The following ZNF805 variants were observed in gnomAD, a reference collection of about 807,000 sequenced individuals.
ZNF805 encodes zinc finger protein 805, also known as CTC-444N24.8.
ZNF805 carries 7 observed loss-of-function variants against 13.6 expected under a neutral mutation model. The ratio of observed to expected loss-of-function variants is 0.51; its 90% confidence interval spans 0.29 to 0.97. The LOEUF is 0.97. ZNF805 is among the 50% of genes least tolerant of loss of function. The pLI, the probability that ZNF805 is intolerant of heterozygous loss-of-function variation, is 0.08. For missense variants in ZNF805, 604 were observed against 771.0 expected (o/e 0.78, Z 2.57); for synonymous variants, 293 against 279.8 (o/e 1.05, Z -0.47).
Position 57,260,199 on chromosome 19 carries a change from CTCTG to C in ZNF805, c.*5500_*5503del, listed in dbSNP as rs948121642. Among the ~76,000 whole-genome samples the C allele has an allele frequency of 7.9e-5, 12 of 152,230 alleles. No homozygotes were observed. The highest frequency in any genetic ancestry group is 2.6e-4 in the African/African-American group (11 of 41,526). ...TTCCCCAACCAAACTTGTCTAAGTCCTCTGTCTTTCATACTCTTGTTTAGTCTTT... is the reference window on the plus strand; with the variant it reads ...TTCCCCAACCAAACTTGTCTAAGTCCTCTTTCATACTCTTGTTTAGTCTTT... On this transcript the variant is annotated 3_prime_UTR_variant, in exon 4 of 4. Transcript: ENST00000414468.
chr19:57,255,691 T>A lies in ZNF805; in HGVS notation c.*988T>A, dbSNP rs2087683446. On this transcript the variant is annotated 3_prime_UTR_variant, in exon 4 of 4. Transcript: ENST00000414468. ...CATTATTTTTTCAATCTTATTTTGC[T>A]GTCTTGCAACCTTCCTAAACTCATT... Among the ~76,000 whole-genome samples, 1 of 152,168 alleles carries A rather than the reference T, an allele frequency of 6.6e-6. No individual in the cohort carries two copies. Among genetic ancestry groups the A allele is most frequent in the Non-Finnish European group, 1.5e-5 (1 of 67,984 alleles).
intron 2 of ZNF805, among the ~76,000 whole-genome samples, chr19:57,248,120 AGATC>A (rs2087629984): frequency 2.6e-5 from 4 of 152,086 alleles, no homozygotes; most frequent in Non-Finnish European, 5.9e-5. Flanking sequence ...GAGTGAGCGG[AGATC>A]GCGCCACTGC....
chr19:57,245,573 A>G (rs867081650), intron 2 of ZNF805, among the ~76,000 whole-genome samples: 16 of 150,010 alleles, frequency 1.1e-4, no homozygotes, highest in Middle Eastern at 3.4e-3. Context: ...AGGTCAGGAG[A>G]TAGAGACCAT....
In ZNF805 at chr19:57,262,604, T is replaced by C. The variant is rs1272455073; in HGVS notation, c.*7901T>C. The C allele has an allele frequency of 4.8e-5, 8 of 167,130 alleles. No homozygotes were observed. 10.4% of individuals were successfully genotyped at this position (167,130 alleles called of 1,614,324 possible). A position where few individuals can be genotyped will look rare whatever the true frequency, so the allele number is the denominator to read the frequency against. On this transcript the variant is annotated 3_prime_UTR_variant, in exon 4 of 4. Transcript: ENST00000414468. Reference sequence around the variant, plus strand: ...GTATGTCAGTTTCTCATCCACTCTTTGTTCTTGCTATTGAAAGTTGTAGCT... The same window carrying C: ...GTATGTCAGTTTCTCATCCACTCTTCGTTCTTGCTATTGAAAGTTGTAGCT...
chr19:57,247,914 C>T (rs1219861915), intron 2 of ZNF805, among the ~76,000 whole-genome samples: 1 of 152,184 alleles, frequency 6.6e-6, no homozygotes, highest in Non-Finnish European at 1.5e-5. Flanking sequence ...CAACTGGAAT[C>T]CTCATTTAAT....
In ZNF805 at chr19:57,256,994, T is replaced by C. The variant is rs964365102; in HGVS notation, c.*2291T>C. Among the ~76,000 whole-genome samples, 3 of 152,312 alleles carry C rather than the reference T, an allele frequency of 2.0e-5. No individual in the cohort carries two copies. Among genetic ancestry groups the C allele is most frequent in the Admixed American group, 6.5e-5 (1 of 15,306 alleles). ...ACAAGTCTTAATATGCTTTTGATTA[T>C]CTTACTCAGTTCTAAGATTGCCTGA... On this transcript the variant is annotated 3_prime_UTR_variant, in exon 4 of 4. Coordinates refer to ENST00000414468, the MANE Select transcript of ZNF805 (RefSeq NM_001023563.4).
At position 57,258,002 on chromosome 19, in the gene ZNF805, A is replaced by G. The variant is rs2087698966; in HGVS notation, c.*3299A>G. 1.6e-5 allele frequency among the ~76,000 whole-genome samples: 2 copies of G among 124,878 alleles called. No individual in the cohort carries two copies. Among genetic ancestry groups the G allele is most frequent in the African/African-American group, 3.1e-5 (1 of 32,224 alleles). The allele number at this position is 124,878 out of a possible 152,430, so 81.9% of individuals were successfully genotyped here. A position where few individuals can be genotyped will look rare whatever the true frequency, so the allele number is the denominator to read the frequency against. ...GGATTACTGGTATGAGCAACCACGC[A>G]CAGCATTTTTTTTTTTTTTTTTTTT... is the stretch of plus-strand genomic sequence containing the variant. On this transcript the variant is annotated 3_prime_UTR_variant, in exon 4 of 4. Coordinates refer to ENST00000414468, the MANE Select transcript of ZNF805 (RefSeq NM_001023563.4).
chr19:57,244,071 A>G, intron 2 of ZNF805, 22 bp downstream of exon 2: 1 of 1,608,524 alleles, frequency 6.2e-7, no homozygotes, highest in Non-Finnish European at 8.5e-7. Flanking sequence ...CCCCTCCACC[A>G]TGCAGGGGAT....
rs1475635880 is a variant in ZNF805, at chr19:57,255,945, T to C, written c.*1242T>C. 2.0e-5 allele frequency among the ~76,000 whole-genome samples: 3 copies of C among 152,206 alleles called. No individual in the cohort carries two copies. The highest frequency in any genetic ancestry group is 2.9e-5 in the Non-Finnish European group (2 of 67,994). ...GGAAATGTTCAGTTTCTCATTATTA[T>C]GATGTTGAAAGTTGCTTCCAAAGAG... On this transcript the variant is annotated 3_prime_UTR_variant, in exon 4 of 4. Coordinates refer to ENST00000414468, the MANE Select transcript of ZNF805 (RefSeq NM_001023563.4).
chr19:57,242,936 C>T (rs971907941), intron 1 of ZNF805, among the ~76,000 whole-genome samples: 3 of 152,142 alleles, frequency 2.0e-5, no homozygotes, highest in East Asian at 1.9e-4. Flanking sequence ...ACATGTAAAA[C>T]TCTGGCTGAA....
rs111249325 is a variant in ZNF805 at position 57,254,960 on chromosome 19, A to G, written c.*257A>G. 3.1e-5 allele frequency: 13 copies of G among 421,488 alleles called. No homozygotes were observed. The highest frequency in any genetic ancestry group is 2.0e-4 in the African/African-American group (10 of 49,098). The allele number at this position is 421,488 out of a possible 1,614,324, so 26.1% of individuals were successfully genotyped here. ...CACTGCTTTTATACTGTTGTCTTGT[A>G]TGTACATTTCTGTCCTGTGTCAGGA... On this transcript the variant is annotated 3_prime_UTR_variant, in exon 4 of 4. Transcript: ENST00000414468.
chr19:57,261,205 A>G lies in ZNF805; in HGVS notation c.*6502A>G, dbSNP rs548222008. On this transcript the variant is annotated 3_prime_UTR_variant, in exon 4 of 4. Coordinates refer to ENST00000414468, the MANE Select transcript of ZNF805 (RefSeq NM_001023563.4). Reference sequence around the variant, plus strand: ...ATTTATAATCTACTATTCTTATTTGACAGTACATCTTGGCCATTCCTTCAA... The same window carrying G: ...ATTTATAATCTACTATTCTTATTTGGCAGTACATCTTGGCCATTCCTTCAA... 28 of 167,098 alleles carry G rather than the reference A, an allele frequency of 1.7e-4. No homozygotes were observed. Among genetic ancestry groups the G allele is most frequent in the African/African-American group, 6.7e-4 (28 of 41,526 alleles). The allele number at this position is 167,098 out of a possible 1,614,324, so 10.4% of individuals were successfully genotyped here.
At chr19:57,245,756 GC>G (rs1737300134) in intron 2 of ZNF805, among the ~76,000 whole-genome samples, 3 of 151,672 alleles carry the variant, frequency 2.0e-5, no homozygotes, top group South Asian at 4.2e-4. Flanking sequence ...TCCAGCCTGG[GC>G]GACAGAGCGA....
intron 1 of ZNF805, among the ~76,000 whole-genome samples, chr19:57,241,823 T>C (rs1252980785): frequency 6.6e-6 from 1 of 152,250 alleles, no homozygotes; most frequent in East Asian, 1.9e-4. Flanking sequence ...CACATCTTGT[T>C]GGCTCTGCTC....
At chr19:57,248,848 G>C (rs1019071) in intron 3 of ZNF805, 148 bp downstream of exon 3, 1 of 722,902 alleles carries the variant, frequency 1.4e-6, no homozygotes, top group Non-Finnish European at 2.4e-6. Context: ...TGGTTTCTCC[G>C]TCCTCCCAGC....
Position 57,253,599 on chromosome 19 carries a change from G to C in ZNF805, c.780G>C (p.Lys260Asn). Residue 260 changes from lysine (K) to asparagine (N), a missense_variant, in exon 4 of 4, where the codon AAG becomes AAC. By Grantham distance (94) the Lys-to-Asn change is moderately conservative. This residue lies in a region of ZNF805 where 327 missense variants were observed against 378.2 expected (regional missense o/e 0.86). Transcript: ENST00000414468. This position sits in a 1 kb window ranked among gnomAD's most constrained non-coding sequence, Gnocchi z 4.4. ...HMVHTGEKPY[K>N]CMECGKAFNR... ...TCCACACTGGGGAGAAGCCCTATAA[G>C]TGCATGGAGTGTGGGAAGGCTTTTA... The C allele has an allele frequency of 6.2e-7, 1 of 1,614,124 alleles. No individual in the cohort carries two copies. The highest frequency in any genetic ancestry group is 8.5e-7 in the Non-Finnish European group (1 of 1,180,002).
In ZNF805 at chr19:57,253,027, T is replaced by C. The variant is rs987742052; in HGVS notation, c.254-46T>C. The C allele has an allele frequency of 8.1e-6, 11 of 1,362,464 alleles. No individual in the cohort carries two copies. The highest frequency in any genetic ancestry group is 1.5e-5 in the African/African-American group (1 of 67,508). The allele number at this position is 1,362,464 out of a possible 1,614,324, so 84.4% of individuals were successfully genotyped here. On this transcript the variant is annotated intron_variant, in intron 3 of 3. Transcript: ENST00000414468. This position sits in a 1 kb window ranked among gnomAD's most constrained non-coding sequence, Gnocchi z 4.4. ...TGAAGTGGTGAGTTTGTTTCTTCTC[T>C]TTTTACATTACTAACAAGCCCTTCT...
chr19:57,253,339 G>C lies in ZNF805; in HGVS notation c.520G>C (p.Asp174His), dbSNP rs765214623. The change falls in exon 4 of 4, where the codon GAT (aspartate) becomes CAT (histidine). Residue 174 changes from aspartate (D) to histidine (H), a missense_variant. Transcript: ENST00000414468. The surrounding 1 kb of genome is among the most constrained non-coding windows in gnomAD (Gnocchi z 4.4). ...TAGTGTGTGTTCAAGGATTATACAG[G>C]ATCGAGTCTCCTTAGGAGATGATGT... is the stretch of plus-strand genomic sequence containing the variant. ...ADSVCSRIIQ[D>H]RVSLGDDVHD... The C allele has an allele frequency of 5.1e-6, 8 of 1,572,822 alleles. No homozygotes were observed. In the African/African-American group the frequency reaches 9.5e-5, roughly 19 times the overall value.
In ZNF805 at chr19:57,261,054, G is replaced by T. The variant is rs1221788299; in HGVS notation, c.*6351G>T. Among the ~76,000 whole-genome samples, 1 of 152,186 alleles carries T rather than the reference G, an allele frequency of 6.6e-6. No homozygotes were observed. The highest frequency in any genetic ancestry group is 1.5e-5 in the Non-Finnish European group (1 of 68,036). On this transcript the variant is annotated 3_prime_UTR_variant, in exon 4 of 4. Transcript: ENST00000414468. ...CACAATTATGAAATTTGGGTTTGGG[G>T]ACTGGAAGCCACTGCACTGGCTTCA...
Sources: allele counts gnomAD v4.1 joint callset (sites outside exome capture counted in the v4.1 genomes callset), GRCh38; gene constraint gnomAD v4.1.1; regional missense constraint gnomAD v4.1.1; non-coding constraint Gnocchi (gnomAD v3.1); transcripts MANE v1.5; gene names NCBI Gene and HGNC (gene_info 2026-07-23, HGNC 2026-07-21).